Variants in SMARCA2 observed in about 807,000 individuals in gnomAD.
SMARCA2 encodes SWI/SNF related BAF chromatin remodeling complex subunit ATPase 2.
A neutral mutation model predicts 199.8 loss-of-function variants in SMARCA2; 61 were observed. The observed-to-expected ratio is 0.31, with a 90% CI of 0.25 to 0.38. The LOEUF (loss-of-function observed/expected upper bound fraction) is 0.38, where lower values mean the gene tolerates loss of function less well. SMARCA2 is among the 10% of genes least tolerant of loss of function. The probability of loss-of-function intolerance (pLI) is 1.00; values close to 1 mark genes in which losing one functional copy is unlikely to be tolerated. For missense variants in SMARCA2, 1,344 were observed against 2,012.2 expected (o/e 0.67, Z 6.35); for synonymous variants, 935 against 732.0 (o/e 1.28, Z -4.48).
Position 2,040,207 on chromosome 9 carries a change from A to C in SMARCA2, c.790+307A>C, listed in dbSNP as rs1819545964. On this transcript the variant is annotated intron_variant, in intron 4 of 33. Transcript: ENST00000349721. ...GTTTCTTGGAAGCCCATCCACACAC[A>C]CAAGGTTAAGAACCTCTGGACTTAG... The C allele has an allele frequency of 1.0e-5, 6 of 579,000 alleles. No individual in the cohort carries two copies. The South Asian group carries it at 1.2e-4, about 12-fold the overall frequency. 35.9% of individuals were successfully genotyped at this position (579,000 alleles called of 1,614,324 possible).
rs1000449019 is a variant in SMARCA2, at chr9:2,169,708, G to A, written c.4200-711G>A. ...GGTATGGAGGGTCTTCCCAGGATCTGTGAAACCTGGCAGCTGCTTCCCTGC... is the reference window on the plus strand; with the variant it reads ...GGTATGGAGGGTCTTCCCAGGATCTATGAAACCTGGCAGCTGCTTCCCTGC... On this transcript the variant is annotated intron_variant, in intron 28 of 33. Transcript: ENST00000349721. The surrounding 1 kb of genome is among the most constrained non-coding windows in gnomAD (Gnocchi z 6.5). 1.3e-5 allele frequency among the ~76,000 whole-genome samples: 2 copies of A among 152,098 alleles called. No individual in the cohort carries two copies. Among genetic ancestry groups the A allele is most frequent in the African/African-American group, 4.8e-5 (2 of 41,406 alleles).
At chr9:2,141,357 C>A (rs7868484) in intron 27 of SMARCA2, among the ~76,000 whole-genome samples, 58,449 of 151,922 alleles carry the variant, frequency 0.38, 13,314 homozygotes, top group African/African-American at 0.64. Flanking sequence ...TTTTGGATTT[C>A]GCATTTAGTT....
At chr9:2,057,661 TG>T (rs1429252588) in intron 7 of SMARCA2, among the ~76,000 whole-genome samples, 1 of 152,208 alleles carries the variant, frequency 6.6e-6, no homozygotes, top group East Asian at 1.9e-4. Flanking sequence ...CATTCCTTTC[TG>T]GGGGTTTGGA....
intron 4 of SMARCA2, chr9:2,043,786 A>G (rs964824554): frequency 6.6e-6 from 1 of 152,172 alleles, no homozygotes; most frequent in African/African-American, 2.4e-5. Flanking sequence ...CTAGGGATGC[A>G]TTCAATAAAG....
At chr9:2,144,151 A>G (rs1283104588) in intron 27 of SMARCA2, among the ~76,000 whole-genome samples, 1 of 151,982 alleles carries the variant, frequency 6.6e-6, no homozygotes, top group Non-Finnish European at 1.5e-5. Context: ...CTTGGAAATG[A>G]TTTTTTTCTT....
intron 33 of SMARCA2, chr9:2,191,651 C>A: frequency 2.8e-6 from 1 of 356,776 alleles, no homozygotes; most frequent in Non-Finnish European, 5.1e-6. Flanking sequence ...AATCAAGCTT[C>A]CCTTTCCCCC....
intron 9 of SMARCA2, among the ~76,000 whole-genome samples, chr9:2,068,737 C>G (rs987461461): frequency 1.3e-5 from 2 of 149,936 alleles, no homozygotes; most frequent in African/African-American, 4.9e-5. Context: ...TTTTTTTTCT[C>G]TCATTATACT....
chr9:2,022,321 T>G (rs112795031), intron 1 of SMARCA2, among the ~76,000 whole-genome samples: 2,458 of 152,320 alleles, frequency 0.016, 76 homozygotes, highest in African/African-American at 0.056. Context: ...TATCTCATAT[T>G]TTATTTGATT....
At chr9:2,020,774 A>G (rs1438768356) in intron 1 of SMARCA2, among the ~76,000 whole-genome samples, 2 of 152,344 alleles carry the variant, frequency 1.3e-5, no homozygotes, top group African/African-American at 2.4e-5. Flanking sequence ...TGTACCTCAG[A>G]AAAACATACA....
intron 5 of SMARCA2, among the ~76,000 whole-genome samples, chr9:2,050,987 C>T (rs1820093734): frequency 6.6e-6 from 1 of 152,180 alleles, no homozygotes; most frequent in African/African-American, 2.4e-5. Flanking sequence ...AAATGAGTCC[C>T]CTGCAGTTAT....
chr9:2,161,486 G>T lies in SMARCA2; in HGVS notation c.3982-200G>T, dbSNP rs1166843486. Among the ~76,000 whole-genome samples the T allele has an allele frequency of 6.6e-6, 1 of 152,142 alleles. No individual in the cohort carries two copies. Among genetic ancestry groups the T allele is most frequent in the Non-Finnish European group, 1.5e-5 (1 of 68,018 alleles). On this transcript the variant is annotated intron_variant, in intron 27 of 33. Transcript: ENST00000349721. The surrounding 1 kb of genome is among the most constrained non-coding windows in gnomAD (Gnocchi z 4.7). ...TGTGTTTTGCTCATGAAACAGACTTGAGTTAAAGATGCATTTATCCAATAT... is the reference window on the plus strand; with the variant it reads ...TGTGTTTTGCTCATGAAACAGACTTTAGTTAAAGATGCATTTATCCAATAT...
rs544282607 is a variant in SMARCA2, at chr9:2,086,582, T to C, written c.2527-247T>C. ...TTCTGGACCCAAATTTCCTTCTTTG[T>C]AAAAAGTTGATTTGGAATTACGTGG... On this transcript the variant is annotated intron_variant, in intron 17 of 33. Transcript: ENST00000349721. This position sits in a 1 kb window ranked among gnomAD's most constrained non-coding sequence, Gnocchi z 4.3. 1.3e-5 allele frequency among the ~76,000 whole-genome samples: 2 copies of C among 152,332 alleles called. No homozygotes were observed. Among genetic ancestry groups the C allele is most frequent in the East Asian group, 3.9e-4 (2 of 5,192 alleles).
intron 27 of SMARCA2, among the ~76,000 whole-genome samples, chr9:2,145,304 CAAAAAAAAAAAAAA>C (rs56314428): frequency 4.5e-5 from 6 of 132,304 alleles, no homozygotes; most frequent in African/African-American, 1.1e-4. Context: ...ACTCTTGTCT[CAAAAAAAAAAAAAA>C]AAAAAAAAAA....
chr9:2,160,458 T>G, intron 27 of SMARCA2: 1 of 542,350 alleles, frequency 1.8e-6, no homozygotes, highest in Non-Finnish European at 3.3e-6. Context: ...CCAGGTTGTT[T>G]TGTGTTCTGC....
intron 29 of SMARCA2, among the ~76,000 whole-genome samples, chr9:2,178,362 A>C (rs1826773661): frequency 6.6e-6 from 1 of 152,204 alleles, no homozygotes; most frequent in Non-Finnish European, 1.5e-5. Context: ...GTCACAGGCC[A>C]TCAGTGGTCT....
intron 25 of SMARCA2, among the ~76,000 whole-genome samples, chr9:2,118,032 C>T (rs1823285802): frequency 6.6e-6 from 1 of 152,160 alleles, no homozygotes; most frequent in Non-Finnish European, 1.5e-5. Flanking sequence ...TTTGGTTTTC[C>T]ATGAAGGTCA....
chr9:2,044,629 C>T (rs1282832884), intron 4 of SMARCA2: 2 of 152,184 alleles, frequency 1.3e-5, no homozygotes, highest in East Asian at 3.8e-4. Context: ...TTACTCTCCC[C>T]ATTCTATAGA....
intron 27 of SMARCA2, among the ~76,000 whole-genome samples, chr9:2,156,760 G>A (rs1380137232): frequency 6.6e-6 from 1 of 152,072 alleles, no homozygotes; most frequent in African/African-American, 2.4e-5. Flanking sequence ...GTACATTTCA[G>A]TAACATGAAG....
intron 1 of SMARCA2, among the ~76,000 whole-genome samples, chr9:2,024,484 C>A (rs955282934): frequency 6.6e-6 from 1 of 152,250 alleles, no homozygotes; most frequent in Middle Eastern, 3.4e-3. Flanking sequence ...AGTAGATACT[C>A]GGTATGGTAA....
Sources: allele counts gnomAD v4.1 joint callset (sites outside exome capture counted in the v4.1 genomes callset), GRCh38; gene constraint gnomAD v4.1.1; non-coding constraint Gnocchi (gnomAD v3.1); transcripts MANE v1.5; gene names NCBI Gene and HGNC (gene_info 2026-07-23, HGNC 2026-07-21).